Variants in SNX24 observed in about 807,000 individuals in gnomAD.
SNX24 encodes the protein sorting nexin-24.
In SNX24, 22 loss-of-function variants were observed where a neutral mutation model predicts 28.7. The ratio of observed to expected loss-of-function variants is 0.77; its 90% CI spans 0.55 to 1.10. SNX24 has a LOEUF of 1.10. Among genes scored for constraint, SNX24 ranks in the 50% least tolerant of loss-of-function variants. The probability of loss-of-function intolerance (pLI) is 0.00; values close to 1 mark genes in which losing one functional copy is unlikely to be tolerated. For missense variants in SNX24, 221 were observed against 201.1 expected (o/e 1.10, Z -0.60); for synonymous variants, 69 against 71.5 (o/e 0.96, Z 0.18).
chr5:122,847,238 T>G (rs1284088630), intron 1 of SNX24, among the ~76,000 whole-genome samples: 1 of 152,222 alleles, frequency 6.6e-6, no homozygotes, highest in African/African-American at 2.4e-5. Context: ...TAAGGCTCAT[T>G]GCCCATTGTT....
intron 3 of SNX24, among the ~76,000 whole-genome samples, chr5:122,952,132 A>G (rs958132176): frequency 2.0e-5 from 3 of 152,224 alleles, no homozygotes; most frequent in African/African-American, 4.8e-5. Flanking sequence ...CTTGTGTCCC[A>G]TTCCCAAGAT....
At chr5:122,949,765 C>T (rs1216980540) in intron 3 of SNX24, among the ~76,000 whole-genome samples, 2 of 152,064 alleles carry the variant, frequency 1.3e-5, no homozygotes, top group Non-Finnish European at 2.9e-5. Flanking sequence ...TTATTATTTT[C>T]CTACTTAAAT....
intron 1 of SNX24, among the ~76,000 whole-genome samples, chr5:122,921,325 G>A (rs904846066): frequency 3.9e-5 from 6 of 152,150 alleles, no homozygotes; most frequent in South Asian, 4.1e-4. Flanking sequence ...GCAAAGCCAC[G>A]GTGAGGGATA....
intron 3 of SNX24, among the ~76,000 whole-genome samples, chr5:122,947,554 G>GTC (rs1043252916): frequency 6.6e-6 from 1 of 152,052 alleles, no homozygotes; most frequent in Non-Finnish European, 1.5e-5. Flanking sequence ...ATCCTTCACT[G>GTC]TCTCTCTCTG....
chr5:122,999,656 CT>C (rs1202537156), intron 3 of SNX24, among the ~76,000 whole-genome samples: 1 of 152,156 alleles, frequency 6.6e-6, no homozygotes, highest in Non-Finnish European at 1.5e-5. Flanking sequence ...TAGTCAGCAT[CT>C]AGTGTATAGT....
intron 1 of SNX24, among the ~76,000 whole-genome samples, chr5:122,883,084 G>T (rs995822200): frequency 6.6e-6 from 1 of 152,148 alleles, no homozygotes; most frequent in Non-Finnish European, 1.5e-5. Context: ...TGGCTAGGGA[G>T]ATTTGTTCAG....
chr5:122,941,303 G>A (rs148373281), intron 2 of SNX24, among the ~76,000 whole-genome samples: 1 of 152,170 alleles, frequency 6.6e-6, no homozygotes, highest in East Asian at 1.9e-4. Context: ...CCATTATTCT[G>A]TCTACTACTA....
intron 3 of SNX24, among the ~76,000 whole-genome samples, chr5:122,968,797 T>G (rs1760825144): frequency 6.6e-6 from 1 of 152,184 alleles, no homozygotes. Flanking sequence ...CAGGGTTTTT[T>G]GTACCAGTAA....
chr5:122,853,483 A>G (rs1025344916), intron 1 of SNX24, among the ~76,000 whole-genome samples: 5 of 152,342 alleles, frequency 3.3e-5, no homozygotes, highest in African/African-American at 9.6e-5. Context: ...CTTCTTGAAC[A>G]TTAACAAACT....
chr5:122,988,545 A>G (rs754765352), intron 3 of SNX24, among the ~76,000 whole-genome samples: 2 of 152,234 alleles, frequency 1.3e-5, no homozygotes, highest in Non-Finnish European at 2.9e-5. Flanking sequence ...AAAAAGACCT[A>G]TTAAAGTAGA....
Position 123,019,125 on chromosome 5 carries a change from C to G in SNX24, n.384-10113C>G, listed in dbSNP as rs998495583. On this transcript the variant is annotated intron_variant and non_coding_transcript_variant, in intron 5 of 5. Transcript: ENST00000502387. ...CCACCACTCTAGAATGTCAGTAACA[C>G]TAGCAAACCTTGGAGGCACTTATGT... 2.0e-5 allele frequency among the ~76,000 whole-genome samples: 3 copies of G among 152,234 alleles called. No homozygotes were observed. The South Asian group carries it at 6.2e-4, about 32-fold the overall frequency.
intron 1 of SNX24, among the ~76,000 whole-genome samples, chr5:122,906,528 G>C (rs756303502): frequency 1.3e-5 from 2 of 152,148 alleles, no homozygotes; most frequent in Non-Finnish European, 2.9e-5. Flanking sequence ...TTTGTTTTGA[G>C]TGGAGTTTTG....
intron 1 of SNX24, among the ~76,000 whole-genome samples, chr5:122,918,322 A>G (rs2910136): frequency 0.77 from 117,055 of 152,022 alleles, 45,946 homozygotes; most frequent in East Asian, 0.99. Flanking sequence ...GCCCAAGACC[A>G]TTGTTAAGTG....
chr5:122,856,065 C>G (rs1581672288), intron 1 of SNX24, among the ~76,000 whole-genome samples: 1 of 152,234 alleles, frequency 6.6e-6, no homozygotes, highest in Admixed American at 6.5e-5. Flanking sequence ...TTTCATCACC[C>G]AAGTAATGGG....
chr5:122,994,092 G>A (rs1221099827), intron 3 of SNX24, among the ~76,000 whole-genome samples: 2 of 152,082 alleles, frequency 1.3e-5, no homozygotes, highest in African/African-American at 4.8e-5. Context: ...GGGAATAAAA[G>A]GATCAAATCA....
chr5:122,896,950 G>A (rs773527340), intron 1 of SNX24, among the ~76,000 whole-genome samples: 1 of 152,222 alleles, frequency 6.6e-6, no homozygotes, highest in East Asian at 1.9e-4. Context: ...ACTGAACGCT[G>A]AAGTCAAGCC....
intron 1 of SNX24, among the ~76,000 whole-genome samples, chr5:122,917,011 G>A (rs537242387): frequency 6.6e-6 from 1 of 152,298 alleles, no homozygotes; most frequent in East Asian, 1.9e-4. Context: ...GCTCACGCCT[G>A]TAATCCCAAC....
At chr5:122,870,616 A>G (rs1234135985) in intron 1 of SNX24, among the ~76,000 whole-genome samples, 1 of 152,234 alleles carries the variant, frequency 6.6e-6, no homozygotes, top group African/African-American at 2.4e-5. Context: ...GTGGTGGAAG[A>G]ATGACAAACG....
Position 122,988,176 on chromosome 5 carries a change from C to T in SNX24, c.250-11736C>T, listed in dbSNP as rs575364247. 1.2e-4 allele frequency among the ~76,000 whole-genome samples: 18 copies of T among 152,136 alleles called. No individual in the cohort carries two copies. The South Asian group carries it at 2.7e-3, about 23-fold the overall frequency. On this transcript the variant is annotated intron_variant, in intron 3 of 6. Transcript: ENST00000261369. ...TGGTTAAATAGGCCTGACAAGCTAT[C>T]TAGGTTGTTGGTTTATCTGTTGTTT... is the stretch of plus-strand genomic sequence containing the variant.
Sources: gnomAD v4.1 joint callset for allele counts (sites outside exome capture counted in the v4.1 genomes callset) on GRCh38, gnomAD v4.1.1 for gene constraint, MANE v1.5 for transcripts, NCBI Gene and HGNC (gene_info 2026-07-23, HGNC 2026-07-21) for gene names.